Variants in EDAR observed in about 807,000 individuals in gnomAD.
EDAR encodes tumor necrosis factor receptor superfamily member EDAR.
In EDAR, 38 loss-of-function variants were observed where a neutral mutation model predicts 51.3. The ratio of observed to expected loss-of-function variants is 0.74; its 90% CI spans 0.57 to 0.97. The LOEUF (loss-of-function observed/expected upper bound fraction) is 0.97. EDAR is among the 50% of genes least tolerant of loss of function. The pLI is 0.00. For missense variants in EDAR, 528 were observed against 595.0 expected, an observed-to-expected ratio of 0.89 and a Z score of 1.17; for synonymous variants, 227 against 242.1, an observed-to-expected ratio of 0.94 and a Z score of 0.58.
chr2:108,923,142 T>G (rs779704158), intron 5 of EDAR, among the ~76,000 whole-genome samples: 47 of 152,168 alleles, frequency 3.1e-4, no homozygotes, highest in Non-Finnish European at 5.3e-4. Flanking sequence ...AGGTAGCTGG[T>G]GGCCAACCTG....
At position 108,912,135 on chromosome 2, in the gene EDAR, C is replaced by T. The variant is rs190778852; in HGVS notation, c.529+543G>A. Among the ~76,000 whole-genome samples, 25 of 152,138 alleles carry T rather than the reference C, an allele frequency of 1.6e-4. No individual in the cohort carries two copies. The East Asian group carries it at 2.1e-3, about 13-fold the overall frequency. On this transcript the variant is annotated intron_variant, in intron 6 of 11. Transcript: ENST00000258443. ...CTCACGGCTCGCTGAGACCTGGGCC[C>T]GAAACATGCTTCAATAATGGGCTGG... is the stretch of plus-strand genomic sequence containing the variant.
At chr2:108,908,850 A>G (rs1696861220) in intron 9 of EDAR, among the ~76,000 whole-genome samples, 1 of 152,200 alleles carries the variant, frequency 6.6e-6, no homozygotes, top group South Asian at 2.1e-4. Flanking sequence ...CCATATGCAA[A>G]CACAACCCTA....
chr2:108,972,590 C>T (rs116145256), intron 1 of EDAR, among the ~76,000 whole-genome samples: 2,612 of 152,360 alleles, frequency 0.017, 69 homozygotes, highest in African/African-American at 0.058. Context: ...TTGCCCTGCA[C>T]GCCAAGTGTT....
chr2:108,922,472 A>G lies in EDAR; in HGVS notation c.442+896T>C, dbSNP rs1697161783. On this transcript the variant is annotated intron_variant, in intron 5 of 11. Coordinates refer to ENST00000258443, the MANE Select transcript of EDAR (RefSeq NM_022336.4). ...CCTCCTGCAGCACAGCCCACAGCACAGAACCCTCCTCCTGGCTTGACCAAA... is the reference window on the plus strand; with the variant it reads ...CCTCCTGCAGCACAGCCCACAGCACGGAACCCTCCTCCTGGCTTGACCAAA... Among the ~76,000 whole-genome samples the G allele has an allele frequency of 2.0e-5, 3 of 152,200 alleles. No individual in the cohort carries two copies. In the South Asian group the frequency reaches 6.2e-4, roughly 32 times the overall value.
At chr2:108,908,330 C>T (rs1696852277) in intron 9 of EDAR, among the ~76,000 whole-genome samples, 1 of 152,176 alleles carries the variant, frequency 6.6e-6, no homozygotes, top group African/African-American at 2.4e-5. Flanking sequence ...ACCTGACACA[C>T]AATGGATGCT....
At position 108,897,466 on chromosome 2, in the gene EDAR, A is replaced by C. The variant is rs181774170; in HGVS notation, c.1025-237T>G. 3.2e-3 allele frequency among the ~76,000 whole-genome samples: 494 copies of C among 152,204 alleles called. 2 individuals carry two copies. Among genetic ancestry groups the C allele is most frequent in the African/African-American group, 0.011 (452 of 41,520 alleles). On this transcript the variant is annotated intron_variant, in intron 11 of 11. Coordinates refer to ENST00000258443, the MANE Select transcript of EDAR (RefSeq NM_022336.4). ...TGACCCCGGTAATAGCCCCTTCCCC[A>C]CTAGGAAAATGACTGCTATATTGAC...
chr2:108,943,286 A>G (rs903110270), intron 1 of EDAR, among the ~76,000 whole-genome samples: 11 of 152,164 alleles, frequency 7.2e-5, no homozygotes, highest in African/African-American at 2.4e-4. Flanking sequence ...TCCGACTCCA[A>G]AGGGCTCTGC....
chr2:108,916,467 G>A (rs1273775432), intron 5 of EDAR, among the ~76,000 whole-genome samples: 5 of 152,084 alleles, frequency 3.3e-5, no homozygotes, highest in African/African-American at 1.2e-4. Context: ...ACACAATGAC[G>A]TCCCCAAACA....
chr2:108,977,134 C>T (rs921183661), intron 1 of EDAR, among the ~76,000 whole-genome samples: 3 of 152,176 alleles, frequency 2.0e-5, no homozygotes, highest in Non-Finnish European at 2.9e-5. Context: ...CCCACTGGCC[C>T]GGGCCTGGGT....
At chr2:108,988,610 G>A (rs908538394) in intron 1 of EDAR, among the ~76,000 whole-genome samples, 3 of 152,084 alleles carry the variant, frequency 2.0e-5, no homozygotes, top group South Asian at 4.2e-4. Flanking sequence ...CCAGTGAGCC[G>A]GGCACAGGGG....
intron 11 of EDAR, 79 bp downstream of exon 11, chr2:108,906,229 G>A: frequency 5.3e-6 from 8 of 1,503,126 alleles, no homozygotes; most frequent in Non-Finnish European, 6.5e-6. Flanking sequence ...TCCCCTCACA[G>A]GAGCCTCAGG....
chr2:108,925,715 G>A (rs1390353901), intron 4 of EDAR, among the ~76,000 whole-genome samples: 1 of 151,996 alleles, frequency 6.6e-6, no homozygotes, highest in African/African-American at 2.4e-5. Flanking sequence ...CCTCCCAGGT[G>A]CAAACAATTC....
intron 5 of EDAR, among the ~76,000 whole-genome samples, chr2:108,913,733 G>A (rs1026695919): frequency 1.3e-5 from 2 of 151,970 alleles, no homozygotes; most frequent in Admixed American, 6.6e-5. Context: ...GGCGGATCAC[G>A]AGGTCAGGAG....
chr2:108,926,660 A>T (rs1697261932), intron 4 of EDAR, among the ~76,000 whole-genome samples: 1 of 152,130 alleles, frequency 6.6e-6, no homozygotes, highest in South Asian at 2.1e-4. Context: ...TTTGGTTCCC[A>T]GGTCCTCCCA....
intron 1 of EDAR, among the ~76,000 whole-genome samples, chr2:108,965,863 T>C (rs767528267): frequency 6.6e-6 from 1 of 152,026 alleles, no homozygotes; most frequent in Non-Finnish European, 1.5e-5. Context: ...CCTCCACCTT[T>C]CCCTTCTGTG....
chr2:108,971,180 T>C (rs1261803834), intron 1 of EDAR, among the ~76,000 whole-genome samples: 1 of 152,156 alleles, frequency 6.6e-6, no homozygotes, highest in Non-Finnish European at 1.5e-5. Context: ...GTTTTCCGTC[T>C]CCAACTGGAT....
chr2:108,980,067 G>A (rs1437806916), intron 1 of EDAR, among the ~76,000 whole-genome samples: 3 of 112,482 alleles, frequency 2.7e-5, no homozygotes, highest in African/African-American at 1.0e-4. Flanking sequence ...TTAACAGATC[G>A]CCCATCGTCA....
chr2:108,951,239 A>G (rs946136674), intron 1 of EDAR, among the ~76,000 whole-genome samples: 1 of 152,162 alleles, frequency 6.6e-6, no homozygotes, highest in African/African-American at 2.4e-5. Context: ...AAGGGTCTCA[A>G]TATCGGTCTT....
chr2:108,981,215 G>A (rs1022584983), intron 1 of EDAR, among the ~76,000 whole-genome samples: 4 of 152,152 alleles, frequency 2.6e-5, no homozygotes, highest in Admixed American at 1.3e-4. Flanking sequence ...CCACCAGCAC[G>A]GGAAGGGGCT....
Sources: allele counts gnomAD v4.1 joint callset (sites outside exome capture counted in the v4.1 genomes callset), GRCh38; gene constraint gnomAD v4.1.1; transcripts MANE v1.5; gene names NCBI Gene and HGNC (gene_info 2026-07-23, HGNC 2026-07-21).